Variants in ZFPM2 observed in about 807,000 individuals in gnomAD.
ZFPM2 encodes zinc finger protein, FOG family member 2.
Under a neutral mutation model 98.6 loss-of-function variants are expected in ZFPM2, and 20 were observed. That is an observed-to-expected ratio of 0.20 (90% CI 0.14 to 0.29). ZFPM2 has a LOEUF of 0.29. Ranked by LOEUF, ZFPM2 falls within the 10% of genes least tolerant of loss-of-function variation. ZFPM2 has a pLI of 1.00. For synonymous variants in ZFPM2, 518 were observed against 502.7 expected (o/e 1.03, Z -0.41); for missense variants, 1,310 against 1,388.6 (o/e 0.94, Z 0.90).
intron 6 of ZFPM2, among the ~76,000 whole-genome samples, chr8:105,794,491 G>A (rs940312462): frequency 6.6e-6 from 1 of 152,150 alleles, no homozygotes; most frequent in African/African-American, 2.4e-5. Flanking sequence ...TGCCCCTACT[G>A]GGGGGTGCGT....
intron 1 of ZFPM2, among the ~76,000 whole-genome samples, chr8:105,349,682 G>T (rs1024585720): frequency 6.6e-6 from 1 of 152,064 alleles, no homozygotes; most frequent in Non-Finnish European, 1.5e-5. Flanking sequence ...ATGAAGATAT[G>T]GGAGATGTAG....
At chr8:105,489,000 A>G (rs1243706313) in intron 3 of ZFPM2, among the ~76,000 whole-genome samples, 1 of 152,196 alleles carries the variant, frequency 6.6e-6, no homozygotes, top group Admixed American at 6.5e-5. Context: ...TATCATAATG[A>G]TACTAACACC....
chr8:105,462,513 C>G (rs1812721322), intron 3 of ZFPM2, among the ~76,000 whole-genome samples: 1 of 152,074 alleles, frequency 6.6e-6, no homozygotes, highest in Non-Finnish European at 1.5e-5. Context: ...ATGAAAATTG[C>G]CTTCAAATTC....
chr8:105,473,769 A>G (rs941890398), intron 3 of ZFPM2, among the ~76,000 whole-genome samples: 2 of 152,240 alleles, frequency 1.3e-5, no homozygotes, highest in East Asian at 3.8e-4. Context: ...TTGTATTAAT[A>G]CATCTGTTAT....
At position 105,788,816 on chromosome 8, in the gene ZFPM2, C is replaced by A; in HGVS notation, c.631C>A (p.Gln211Lys). The A allele has an allele frequency of 1.2e-6, 2 of 1,613,962 alleles. No individual in the cohort carries two copies. The highest frequency in any genetic ancestry group is 1.7e-6 in the Non-Finnish European group (2 of 1,179,876). Residue 211 changes from glutamine (Q) to lysine (K), a missense_variant, in exon 6 of 8, where the codon CAG (glutamine) becomes AAG (lysine). By Grantham distance (53) the Gln-to-Lys change is moderately conservative. Coordinates refer to ENST00000407775, the MANE Select transcript of ZFPM2 (RefSeq NM_012082.4). ...TGACTCAAGGCTACAAGCTGCCAGT[C>A]AGATGACTCTCACAGAAGGGATGTA... Reference protein sequence around the residue: ...DFDSRLQAASQMTLTEGMYPA... With the variant: ...DFDSRLQAASKMTLTEGMYPA...
At chr8:105,673,835 A>G (rs776224829) in intron 5 of ZFPM2, among the ~76,000 whole-genome samples, 2 of 152,194 alleles carry the variant, frequency 1.3e-5, no homozygotes, top group Non-Finnish European at 2.9e-5. Context: ...GGAATTAATG[A>G]TATTGAATGA....
intron 5 of ZFPM2, among the ~76,000 whole-genome samples, chr8:105,724,402 TC>T (rs1343914899): frequency 6.6e-6 from 1 of 151,886 alleles, no homozygotes; most frequent in Admixed American, 6.6e-5. Flanking sequence ...TGGGAGCACT[TC>T]CAGTATCACT....
At chr8:105,708,692 C>T (rs1165391007) in intron 5 of ZFPM2, among the ~76,000 whole-genome samples, 2 of 152,166 alleles carry the variant, frequency 1.3e-5, no homozygotes, top group Non-Finnish European at 2.9e-5. Flanking sequence ...GGTCCACCCG[C>T]CTCGGCCTTC....
intron 2 of ZFPM2, among the ~76,000 whole-genome samples, chr8:105,433,945 T>A (rs759334921): frequency 1.3e-5 from 2 of 152,176 alleles, no homozygotes; most frequent in African/African-American, 4.8e-5. Flanking sequence ...TCTTTCATAT[T>A]AAGGAGTCTG....
At position 105,803,189 on chromosome 8, in the gene ZFPM2, C is replaced by T. The variant is rs771367737; in HGVS notation, c.3107C>T (p.Pro1036Leu). The T allele has an allele frequency of 6.2e-7, 1 of 1,613,372 alleles. No individual in the cohort carries two copies. The highest frequency in any genetic ancestry group is 2.2e-5 in the East Asian group (1 of 44,840). ...AAGAAAGATTCTCTGCCATTGTTGC[C>T]CAAAAATCGAGGAATGGTAATAGTG... Reference protein sequence around the residue: ...ALKKDSLPLLPKNRGMVIVNG... With the variant: ...ALKKDSLPLLLKNRGMVIVNG... The change falls in exon 8 of 8, where the codon CCC (proline) becomes CTC (leucine). Residue 1036 changes from proline (P) to leucine (L), a missense_variant. By Grantham distance (98) the Pro-to-Leu change is moderately conservative. Transcript: ENST00000407775.
At chr8:105,791,155 C>T (rs1813597916) in intron 6 of ZFPM2, among the ~76,000 whole-genome samples, 1 of 152,162 alleles carries the variant, frequency 6.6e-6, no homozygotes, top group Admixed American at 6.5e-5. Flanking sequence ...GACAGGGCAT[C>T]CCTGTCTTGT....
At chr8:105,582,687 G>A (rs1050904396) in intron 4 of ZFPM2, among the ~76,000 whole-genome samples, 17 of 152,164 alleles carry the variant, frequency 1.1e-4, no homozygotes, top group Admixed American at 2.6e-4. Flanking sequence ...TCCACCTCTC[G>A]GGCTCAAGCA....
intron 5 of ZFPM2, among the ~76,000 whole-genome samples, chr8:105,723,395 A>G (rs933197953): frequency 6.6e-6 from 1 of 151,790 alleles, no homozygotes; most frequent in Non-Finnish European, 1.5e-5. Context: ...AGTCCTTTCC[A>G]TACAGTACCA....
rs1354449751 is a variant in ZFPM2 at position 105,678,175 on chromosome 8, G to A, written c.532+43818G>A. Reference sequence around the variant, plus strand: ...ATTAATTCTGCAGTGAAAGAAAGAAGCAGTGTTTCTCAAGTAGAACATTAG... The same window carrying A: ...ATTAATTCTGCAGTGAAAGAAAGAAACAGTGTTTCTCAAGTAGAACATTAG... On this transcript the variant is annotated intron_variant, in intron 5 of 7. Coordinates refer to ENST00000407775, the MANE Select transcript of ZFPM2 (RefSeq NM_012082.4). Among the ~76,000 whole-genome samples the A allele has an allele frequency of 5.9e-5, 9 of 152,282 alleles. No individual in the cohort carries two copies. The East Asian group carries it at 1.5e-3, about 26-fold the overall frequency.
At chr8:105,503,826 C>G (rs12678719) in intron 3 of ZFPM2, among the ~76,000 whole-genome samples, 55,825 of 151,992 alleles carry the variant, frequency 0.37, 12,143 homozygotes, top group African/African-American at 0.62. Context: ...TTATAACTGA[C>G]CCTAACAATG....
At chr8:105,442,186 A>AG (rs1004717545) in intron 2 of ZFPM2, among the ~76,000 whole-genome samples, 6 of 150,934 alleles carry the variant, frequency 4.0e-5, no homozygotes, top group Non-Finnish European at 8.9e-5. Flanking sequence ...ACAAAAAAAA[A>AG]AAAAAAAATT....
intron 3 of ZFPM2, chr8:105,451,912 G>A (rs1812491913): frequency 6.6e-6 from 1 of 152,028 alleles, no homozygotes; most frequent in African/African-American, 2.4e-5. Flanking sequence ...TATGAAATAT[G>A]TTCACAAAAA....
rs1815170240 is a variant in ZFPM2 at position 105,562,916 on chromosome 8, G to A, written c.420+1435G>A. Reference sequence around the variant, plus strand: ...CAAGGAGCTATTCTGCCTACCACATGGGATAAAAGAAAAACAATAGCTGAA... The same window carrying A: ...CAAGGAGCTATTCTGCCTACCACATAGGATAAAAGAAAAACAATAGCTGAA... On this transcript the variant is annotated intron_variant, in intron 4 of 7. Coordinates refer to ENST00000407775, the MANE Select transcript of ZFPM2 (RefSeq NM_012082.4). 1.3e-5 allele frequency among the ~76,000 whole-genome samples: 2 copies of A among 152,086 alleles called. 1 individual carries two copies. Among genetic ancestry groups the A allele is most frequent in the South Asian group, 4.1e-4 (2 of 4,834 alleles).
chr8:105,597,302 A>G (rs1372638012), intron 4 of ZFPM2, among the ~76,000 whole-genome samples: 1 of 152,122 alleles, frequency 6.6e-6, no homozygotes, highest in African/African-American at 2.4e-5. Context: ...CTGGAGTTAC[A>G]CAAAATTTGG....
Sources: allele counts gnomAD v4.1 joint callset (sites outside exome capture counted in the v4.1 genomes callset), GRCh38; gene constraint gnomAD v4.1.1; transcripts MANE v1.5; gene names NCBI Gene and HGNC (gene_info 2026-07-23, HGNC 2026-07-21).